CALD1: variants seen among roughly 807,000 people sequenced by gnomAD.
CALD1 encodes caldesmon 1.
A neutral mutation model predicts 99.9 loss-of-function variants in CALD1; 33 were observed. The ratio of observed to expected loss-of-function variants is 0.33; its 90% CI spans 0.25 to 0.44. The LOEUF is 0.44. CALD1 is among the 20% of genes least tolerant of loss of function. CALD1 has a pLI of 1.00. For synonymous variants in CALD1, 310 were observed against 325.0 expected (o/e 0.95, Z 0.50); for missense variants, 861 against 962.1 (o/e 0.89, Z 1.39).
chr7:134,725,845 G>C, the CALD1 span, among the ~76,000 whole-genome samples: 2 of 152,150 alleles, frequency 1.3e-5, no homozygotes, highest in Non-Finnish European at 2.9e-5. Context: ...CAGAGGAGAA[G>C]GTGCTACAAA....
At chr7:134,785,847 A>T (rs952895800) in intron 1 of CALD1, among the ~76,000 whole-genome samples, 3 of 152,238 alleles carry the variant, frequency 2.0e-5, no homozygotes, top group African/African-American at 7.2e-5. Flanking sequence ...ACATGGGAGA[A>T]GGCATTTGTG....
chr7:134,712,819 C>T, the CALD1 span, among the ~76,000 whole-genome samples: 330 of 152,176 alleles, frequency 2.2e-3, 9 homozygotes, highest in East Asian at 0.05. Flanking sequence ...CGGAATCAGG[C>T]GTGCCTTCGA....
At chr7:134,777,246 C>T (rs751724462), upstream of CALD1, among the ~76,000 whole-genome samples, 9 of 152,008 alleles carry the variant, frequency 5.9e-5, no homozygotes, top group Non-Finnish European at 1.2e-4. Context: ...GTACACACTA[C>T]ATGAAATTTG....
intron 1 of CALD1, among the ~76,000 whole-genome samples, chr7:134,839,829 A>G (rs112612761): frequency 6.6e-6 from 1 of 152,128 alleles, no homozygotes; most frequent in African/African-American, 2.4e-5. Context: ...AGCTGAGACT[A>G]CAGGCATGCA....
At chr7:134,938,734 T>C (rs1475756300) in intron 6 of CALD1, among the ~76,000 whole-genome samples, 1 of 152,214 alleles carries the variant, frequency 6.6e-6, no homozygotes, top group Non-Finnish European at 1.5e-5. Context: ...TCGTCATTAT[T>C]ACATTGACAA....
intron 3 of CALD1, among the ~76,000 whole-genome samples, chr7:134,879,246 G>A (rs1007758766): frequency 4.6e-5 from 7 of 152,184 alleles, no homozygotes; most frequent in African/African-American, 1.7e-4. Flanking sequence ...CAATGTGGTG[G>A]CTGTGTAAGT....
chr7:134,839,635 T>G (rs1169453163), intron 1 of CALD1, among the ~76,000 whole-genome samples: 1 of 152,208 alleles, frequency 6.6e-6, no homozygotes, highest in Non-Finnish European at 1.5e-5. Flanking sequence ...TCAATTTGAA[T>G]TTTTCTAATG....
the CALD1 span, among the ~76,000 whole-genome samples, chr7:134,725,155 G>T: frequency 6.6e-6 from 1 of 152,178 alleles, no homozygotes; most frequent in Non-Finnish European, 1.5e-5. Flanking sequence ...ATTCTCCAGG[G>T]CCACAGCCCT....
intron 1 of CALD1, among the ~76,000 whole-genome samples, chr7:134,759,349 A>G (rs1284243965): frequency 6.6e-6 from 1 of 152,194 alleles, no homozygotes; most frequent in Admixed American, 6.5e-5. Context: ...AATGAGCACA[A>G]TTACATTGGA....
intron 1 of CALD1, among the ~76,000 whole-genome samples, chr7:134,803,999 C>T (rs926886245): frequency 6.6e-5 from 10 of 152,168 alleles, no homozygotes; most frequent in African/African-American, 2.4e-4. Context: ...CCCAGCCAGG[C>T]ATGGTTCTAT....
At chr7:134,932,009 C>G (rs1457408097) in intron 4 of CALD1, among the ~76,000 whole-genome samples, 1 of 152,202 alleles carries the variant, frequency 6.6e-6, no homozygotes, top group African/African-American at 2.4e-5. Flanking sequence ...GTCTTCTTTT[C>G]TCTTGTGACT....
chr7:134,910,715 A>G (rs1439701074), intron 3 of CALD1, among the ~76,000 whole-genome samples: 1 of 152,114 alleles, frequency 6.6e-6, no homozygotes, highest in Non-Finnish European at 1.5e-5. Flanking sequence ...GGAAAACACC[A>G]GTTGACTCCG....
the CALD1 span, among the ~76,000 whole-genome samples, chr7:134,730,904 C>G: frequency 6.6e-6 from 1 of 152,096 alleles, no homozygotes; most frequent in African/African-American, 2.4e-5. Flanking sequence ...CCACCTGCCT[C>G]TCCCACCCCA....
At chr7:134,752,546 G>A (rs1796693223) in intron 1 of CALD1, among the ~76,000 whole-genome samples, 1 of 152,134 alleles carries the variant, frequency 6.6e-6, no homozygotes. Flanking sequence ...AATTTCATAT[G>A]TGTCCATGCA....
At chr7:134,769,658 T>C (rs1421382073) in intron 1 of CALD1, among the ~76,000 whole-genome samples, 2 of 151,938 alleles carry the variant, frequency 1.3e-5, no homozygotes, top group Non-Finnish European at 2.9e-5. Context: ...TAAGATGGAG[T>C]CTTGCTGTGT....
chr7:134,741,733 T>C (rs570039540), upstream of CALD1, among the ~76,000 whole-genome samples: 1 of 152,302 alleles, frequency 6.6e-6, no homozygotes, highest in South Asian at 2.1e-4. Flanking sequence ...TCGTTTTTTA[T>C]TTTCAAAAGC....
At chr7:134,768,929 A>G (rs1306455361) in intron 1 of CALD1, among the ~76,000 whole-genome samples, 2 of 152,044 alleles carry the variant, frequency 1.3e-5, no homozygotes, top group African/African-American at 4.8e-5. Context: ...GATTCATACA[A>G]ATGGAATAAT....
chr7:134,940,543 G>A (rs1457318175), intron 6 of CALD1, among the ~76,000 whole-genome samples: 1 of 152,214 alleles, frequency 6.6e-6, no homozygotes, highest in Non-Finnish European at 1.5e-5. Flanking sequence ...GGTAGGGTTA[G>A]TAAATGTCCC....
At chr7:134,764,424 T>C (rs571079199) in intron 1 of CALD1, among the ~76,000 whole-genome samples, 1 of 152,358 alleles carries the variant, frequency 6.6e-6, no homozygotes, top group South Asian at 2.1e-4. Flanking sequence ...GATGATTTTA[T>C]GATATAGACT....
Sources: allele counts gnomAD v4.1 joint callset (sites outside exome capture counted in the v4.1 genomes callset), GRCh38; gene constraint gnomAD v4.1.1; transcripts MANE v1.5; gene names NCBI Gene and HGNC (gene_info 2026-07-23, HGNC 2026-07-21).